The following MME variants were observed in gnomAD, a reference collection of about 807,000 sequenced individuals.
MME encodes neprilysin.
A neutral mutation model predicts 113.2 loss-of-function variants in MME; 98 were observed. That is an observed-to-expected ratio of 0.87 (90% CI 0.74 to 1.02). MME has a LOEUF of 1.02. MME is among the 50% of genes least tolerant of loss of function. The pLI is 0.00. For missense variants in MME, 836 were observed against 896.0 expected (o/e 0.93, Z 0.86); for synonymous variants, 292 against 300.6 (o/e 0.97, Z 0.30).
At chr3:155,159,265 C>T (rs891352693) in intron 16 of MME, among the ~76,000 whole-genome samples, 1 of 151,992 alleles carries the variant, frequency 6.6e-6, no homozygotes, top group Non-Finnish European at 1.5e-5. Flanking sequence ...TCTGATGTAA[C>T]CTAATTGTGC....
chr3:155,098,918 G>T (rs1431905514), intron 3 of MME, among the ~76,000 whole-genome samples: 3 of 152,062 alleles, frequency 2.0e-5, no homozygotes, highest in Non-Finnish European at 4.4e-5. Context: ...TGCACAAAGT[G>T]CCAGAGTCTT....
intron 1 of MME, among the ~76,000 whole-genome samples, chr3:155,027,444 G>T (rs1298213610): frequency 6.6e-6 from 1 of 152,182 alleles, no homozygotes; most frequent in African/African-American, 2.4e-5. Context: ...TGCTGTGCTT[G>T]TTCAGCCTTA....
intron 8 of MME, among the ~76,000 whole-genome samples, chr3:155,125,960 C>G (rs746891283): frequency 2.0e-5 from 3 of 152,106 alleles, no homozygotes; most frequent in Non-Finnish European, 2.9e-5. Context: ...GTTAAAATTA[C>G]TAGCTAAATA....
At chr3:155,109,407 G>T (rs1036693271) in intron 3 of MME, among the ~76,000 whole-genome samples, 2 of 152,120 alleles carry the variant, frequency 1.3e-5, no homozygotes, top group African/African-American at 4.8e-5. Flanking sequence ...TGGAAGCCTT[G>T]GGGTCGTGGG....
At chr3:155,178,791 T>C (rs1193666242) in intron 22 of MME, among the ~76,000 whole-genome samples, 1 of 152,218 alleles carries the variant, frequency 6.6e-6, no homozygotes, top group African/African-American at 2.4e-5. Flanking sequence ...GTAAATGCTA[T>C]GTAAATATTT....
At chr3:155,129,412 C>G (rs376387351) in intron 8 of MME, among the ~76,000 whole-genome samples, 2 of 152,136 alleles carry the variant, frequency 1.3e-5, no homozygotes, top group South Asian at 4.1e-4. Context: ...AACCAAACTT[C>G]TTATCGACTA....
chr3:155,170,260 G>A (rs1217957389), intron 20 of MME, among the ~76,000 whole-genome samples: 2 of 152,268 alleles, frequency 1.3e-5, no homozygotes, highest in Admixed American at 6.5e-5. Context: ...GGCCAGGCTG[G>A]TCTCAAACTC....
At chr3:155,133,039 TAAAAAAA>T (rs796968290) in intron 8 of MME, among the ~76,000 whole-genome samples, 1 of 48,022 alleles carries the variant, frequency 2.1e-5, no homozygotes, top group Non-Finnish European at 3.8e-5. Context: ...AAACCCCGTC[TAAAAAAA>T]AAAAAAAAAA....
chr3:155,141,903 C>T (rs1364706255), intron 10 of MME, 88 bp from the exon 11 acceptor site: 1 of 1,434,528 alleles, frequency 7.0e-7, no homozygotes, highest in African/African-American at 1.4e-5. Context: ...GAATATCAAA[C>T]TGATCCAACC....
Position 155,085,096 on chromosome 3 carries a change from T to C in MME, c.196+2T>C. The C allele has an allele frequency of 6.4e-7, 1 of 1,574,784 alleles. No homozygotes were observed. The highest frequency in any genetic ancestry group is 1.1e-5 in the South Asian group (1 of 87,922). On this transcript the variant is annotated splice_donor_variant, in intron 3 of 22. Transcript: ENST00000360490. LOFTEE classifies it high-confidence loss of function. ...AGTCATCAGACTGCATAAAATCAGGTAAGAAATGGTTTTTACGTGTAATAG... is the reference window on the plus strand; with the variant it reads ...AGTCATCAGACTGCATAAAATCAGGCAAGAAATGGTTTTTACGTGTAATAG...
At chr3:155,101,579 A>T (rs1169552754) in intron 3 of MME, among the ~76,000 whole-genome samples, 1 of 152,154 alleles carries the variant, frequency 6.6e-6, no homozygotes, top group African/African-American at 2.4e-5. Context: ...CCACTTCTGG[A>T]AAATGAGTTT....
intron 8 of MME, among the ~76,000 whole-genome samples, chr3:155,129,199 A>G (rs2108285790): frequency 1.3e-5 from 2 of 152,236 alleles, no homozygotes; most frequent in South Asian, 4.1e-4. Context: ...TAATTTTAAA[A>G]CTTTAGTGTG....
At position 155,180,338 on chromosome 3, in the gene MME, A is replaced by G. The variant is rs16824656; in HGVS notation, c.2154-22A>G. 0.087 allele frequency: 138,319 copies of G among 1,589,878 alleles called. 7,838 individuals are homozygous for G. Among genetic ancestry groups the G allele is most frequent in the African/African-American group, 0.2 (14,980 of 74,454 alleles). On this transcript the variant is annotated intron_variant, in intron 22 of 22. Coordinates refer to ENST00000360490, the MANE Select transcript of MME (RefSeq NM_007289.4). ...ACGTGAGTATCAAATGCTGACGGTG[A>G]CTTTTTTTGTTTGTTTCAAAGGATT...
At chr3:155,146,502 G>A (rs1272070721) in intron 14 of MME, among the ~76,000 whole-genome samples, 1 of 151,824 alleles carries the variant, frequency 6.6e-6, no homozygotes, top group African/African-American at 2.4e-5. Context: ...CTTCAGCCTG[G>A]GCAACAGAGC....
At chr3:155,045,272 T>C (rs1335973590) in intron 1 of MME, among the ~76,000 whole-genome samples, 1 of 151,966 alleles carries the variant, frequency 6.6e-6, no homozygotes, top group East Asian at 1.9e-4. Context: ...TGCCTCAGCC[T>C]CCTGAGTAGC....
intron 16 of MME, among the ~76,000 whole-genome samples, chr3:155,154,910 G>T (rs1029443030): frequency 1.3e-5 from 2 of 152,150 alleles, no homozygotes; most frequent in African/African-American, 4.8e-5. Context: ...GCAAGTATTA[G>T]CCAGAAAGAA....
At chr3:155,065,623 A>G (rs771634917) in intron 1 of MME, among the ~76,000 whole-genome samples, 9 of 152,224 alleles carry the variant, frequency 5.9e-5, no homozygotes, top group Non-Finnish European at 1.0e-4. Flanking sequence ...ATAACAACAA[A>G]AAAAGTTGCA....
intron 3 of MME, among the ~76,000 whole-genome samples, chr3:155,102,595 T>A (rs1029449542): frequency 6.6e-6 from 1 of 152,152 alleles, no homozygotes; most frequent in African/African-American, 2.4e-5. Flanking sequence ...GGGCATGTGT[T>A]AACAAGATGA....
intron 1 of MME, among the ~76,000 whole-genome samples, chr3:155,072,677 A>G (rs1714620368): frequency 6.6e-6 from 1 of 152,118 alleles, no homozygotes. Flanking sequence ...TCTCCTATCA[A>G]TGGACTTTTG....
Sources: gnomAD v4.1 joint callset for allele counts (sites outside exome capture counted in the v4.1 genomes callset) on GRCh38, gnomAD v4.1.1 for gene constraint, MANE v1.5 for transcripts, NCBI Gene and HGNC (gene_info 2026-07-23, HGNC 2026-07-21) for gene names.